The following GLT1D1 variants were observed in gnomAD, a reference collection of about 807,000 sequenced individuals.
GLT1D1 encodes the protein glycosyltransferase 1 domain containing 1, also known as glycosyltransferase 1 domain-containing protein 1.
A neutral mutation model predicts 28.7 loss-of-function variants in GLT1D1; 21 were observed. The observed-to-expected ratio is 0.73, with a 90% CI of 0.52 to 1.05. The LOEUF (loss-of-function observed/expected upper bound fraction) is 1.05, where lower values mean the gene tolerates loss of function less well. Ranked by LOEUF, GLT1D1 falls within the 50% of genes least tolerant of loss-of-function variation. The pLI is 0.00. For missense variants in GLT1D1, 343 were observed against 330.6 expected (o/e 1.04, Z -0.29); for synonymous variants, 147 against 124.8 (o/e 1.18, Z -1.19).
At chr12:128,920,633 C>G (rs148337753) in intron 4 of GLT1D1, among the ~76,000 whole-genome samples, 2 of 152,270 alleles carry the variant, frequency 1.3e-5, no homozygotes, top group South Asian at 2.1e-4. Flanking sequence ...ACTGCCTCAG[C>G]GTGGATTGGG....
Position 128,941,872 on chromosome 12 carries a change from A to G in GLT1D1, c.376-3454A>G, listed in dbSNP as rs1272704931. ...GGGATTCCAGGCATGAGCCACCAGC[A>G]TGAGCCACCGTGCCTGGTCTCTCTC... On this transcript the variant is annotated intron_variant, in intron 4 of 7. Coordinates refer to ENST00000281703, the MANE Select transcript of GLT1D1 (RefSeq NM_144669.3). Among the ~76,000 whole-genome samples the G allele has an allele frequency of 6.9e-5, 10 of 144,996 alleles. No homozygotes were observed. The Admixed American group carries it at 6.9e-4, about 10-fold the overall frequency.
intron 4 of GLT1D1, among the ~76,000 whole-genome samples, chr12:128,921,550 A>T (rs975228428): frequency 1.3e-5 from 2 of 151,782 alleles, no homozygotes; most frequent in Admixed American, 1.3e-4. Context: ...GAGTTGCAAC[A>T]TAATATGTTT....
rs1238277337 is a variant in GLT1D1, at chr12:128,942,747, TTGTTTTTTG to T, written c.376-2577_376-2569del. On this transcript the variant is annotated intron_variant, in intron 4 of 7. Transcript: ENST00000281703. ...TCCAATTTTCTTTGTTTGTTTGTTT[TTGTTTTTTG>T]TTTTTTTTTTTTGAGACAGAGTCTC... Among the ~76,000 whole-genome samples the T allele has an allele frequency of 6.7e-4, 46 of 68,906 alleles. 1 individual carries two copies. Among genetic ancestry groups the T allele is most frequent in the Non-Finnish European group, 9.8e-4 (35 of 35,870 alleles). 45.2% of individuals were successfully genotyped at this position (68,906 alleles called of 152,430 possible).
intron 4 of GLT1D1, among the ~76,000 whole-genome samples, chr12:128,932,569 C>T (rs1214629848): frequency 2.0e-5 from 3 of 152,172 alleles, no homozygotes; most frequent in Admixed American, 6.5e-5. Flanking sequence ...ATTAAAGCAG[C>T]CCTAGGCAAT....
At chr12:128,950,579 T>C (rs1000941907) in intron 6 of GLT1D1, among the ~76,000 whole-genome samples, 2 of 152,098 alleles carry the variant, frequency 1.3e-5, no homozygotes, top group Admixed American at 6.5e-5. Flanking sequence ...CCTTGAAGCT[T>C]AAAAAACCAT....
chr12:128,938,469 C>T (rs1257877359), intron 4 of GLT1D1, among the ~76,000 whole-genome samples: 1 of 152,220 alleles, frequency 6.6e-6, no homozygotes, highest in Non-Finnish European at 1.5e-5. Context: ...ACGAGCTTAA[C>T]ATTACCAATC....
chr12:128,875,482 C>T (rs1956848763), intron 1 of GLT1D1, among the ~76,000 whole-genome samples: 1 of 152,124 alleles, frequency 6.6e-6, no homozygotes, highest in Non-Finnish European at 1.5e-5. Context: ...AATAAGTCAT[C>T]TTGTGGAATT....
chr12:128,876,188 A>G (rs1956867122), intron 2 of GLT1D1, 126 bp downstream of exon 2: 3 of 823,240 alleles, frequency 3.6e-6, no homozygotes, highest in South Asian at 4.2e-5. Flanking sequence ...GACATGCAAT[A>G]ATCTCTTTGG....
At chr12:128,974,325 C>G (rs1349884973) in intron 7 of GLT1D1, among the ~76,000 whole-genome samples, 1 of 152,104 alleles carries the variant, frequency 6.6e-6, no homozygotes, top group Admixed American at 6.5e-5. Flanking sequence ...TTGCTCCCTC[C>G]TACCCCAGCC....
At chr12:128,882,010 C>A (rs1394264091) in intron 2 of GLT1D1, among the ~76,000 whole-genome samples, 1 of 151,940 alleles carries the variant, frequency 6.6e-6, no homozygotes, top group Non-Finnish European at 1.5e-5. Flanking sequence ...AATAACCTTG[C>A]AGGATCAAAG....
chr12:128,921,352 GT>G (rs1334530306), intron 4 of GLT1D1, among the ~76,000 whole-genome samples: 1 of 152,056 alleles, frequency 6.6e-6, no homozygotes, highest in East Asian at 1.9e-4. Context: ...TCCCTGCAGC[GT>G]CTTGCAGGTC....
At chr12:128,867,955 G>A (rs1490789191) in intron 1 of GLT1D1, among the ~76,000 whole-genome samples, 2 of 152,326 alleles carry the variant, frequency 1.3e-5, no homozygotes, top group South Asian at 2.1e-4. Context: ...CAATAAGGGC[G>A]CTAAGCTATT....
intron 3 of GLT1D1, among the ~76,000 whole-genome samples, chr12:128,891,237 A>G (rs1187968722): frequency 2.6e-5 from 4 of 152,192 alleles, no homozygotes; most frequent in Non-Finnish European, 5.9e-5. Context: ...AACTACCTAT[A>G]CATGCATACC....
intron 2 of GLT1D1, among the ~76,000 whole-genome samples, chr12:128,879,462 T>TTTCTTTCTTTCTTTCTTTC (rs1555262493): frequency 2.3e-5 from 2 of 85,962 alleles, no homozygotes; most frequent in South Asian, 4.6e-4. Context: ...TTCTTTCTTT[T>TTTCTTTCTTTCTTTCTTTC]TTTTGGGGGG....
At chr12:128,959,398 C>T (rs1241862315) in intron 7 of GLT1D1, among the ~76,000 whole-genome samples, 3 of 99,570 alleles carry the variant, frequency 3.0e-5, no homozygotes, top group African/African-American at 4.2e-5. Context: ...TGAAAGCCAG[C>T]TTCATGAGGC....
intron 7 of GLT1D1, among the ~76,000 whole-genome samples, chr12:128,965,710 T>TAA (rs757636287): frequency 6.7e-5 from 7 of 104,706 alleles, no homozygotes; most frequent in Admixed American, 1.2e-4. Flanking sequence ...TGTCTCTGCT[T>TAA]AAAAAAAAAA....
At chr12:128,869,141 A>C (rs1001028468) in intron 1 of GLT1D1, among the ~76,000 whole-genome samples, 3 of 152,078 alleles carry the variant, frequency 2.0e-5, no homozygotes, top group Admixed American at 6.5e-5. Flanking sequence ...AGTGCTGGGA[A>C]TACAGGCGTG....
intron 7 of GLT1D1, among the ~76,000 whole-genome samples, chr12:128,975,120 T>C (rs1358583775): frequency 6.6e-6 from 1 of 152,208 alleles, no homozygotes; most frequent in East Asian, 1.9e-4. Context: ...TGTCTGTGGG[T>C]GGCCTGTTAG....
chr12:128,982,785 A>G lies in GLT1D1; in HGVS notation c.640-144A>G, dbSNP rs542153392. On this transcript the variant is annotated intron_variant, in intron 7 of 7. Transcript: ENST00000281703. Reference sequence around the variant, plus strand: ...AGTCTCAGTGTTTGCATTAACTCCCATCCCTCCTAAAAGTCACTCTCTCCA... The same window carrying G: ...AGTCTCAGTGTTTGCATTAACTCCCGTCCCTCCTAAAAGTCACTCTCTCCA... 1.1e-5 allele frequency: 7 copies of G among 647,066 alleles called. No homozygotes were observed. The East Asian group carries it at 1.6e-4, about 15-fold the overall frequency. The allele number at this position is 647,066 out of a possible 1,614,324, so 40.1% of individuals were successfully genotyped here. A position where few individuals can be genotyped will look rare whatever the true frequency, so the allele number is the denominator to read the frequency against.
Sources: gnomAD v4.1 joint callset for allele counts (sites outside exome capture counted in the v4.1 genomes callset) on GRCh38, gnomAD v4.1.1 for gene constraint, MANE v1.5 for transcripts, NCBI Gene and HGNC (gene_info 2026-07-23, HGNC 2026-07-21) for gene names.